The following FAM193B variants were observed in gnomAD, a reference collection of about 807,000 sequenced individuals.
FAM193B encodes family with sequence similarity 193 member B.
In FAM193B, 27 loss-of-function variants were observed where a neutral mutation model predicts 70.7. The observed-to-expected ratio is 0.38, with a 90% CI of 0.28 to 0.53. The LOEUF (loss-of-function observed/expected upper bound fraction) is 0.53, where lower values mean the gene tolerates loss of function less well. FAM193B is among the 20% of genes least tolerant of loss of function. FAM193B has a pLI of 0.81. For missense variants in FAM193B, 1,022 were observed against 1,072.5 expected (o/e 0.95, Z 0.66); for synonymous variants, 448 against 436.0 (o/e 1.03, Z -0.34).
intron 4 of FAM193B, 112 bp downstream of exon 4, chr5:177,536,246 G>T (rs1764145489): frequency 2.5e-6 from 3 of 1,181,620 alleles, no homozygotes; most frequent in East Asian, 2.6e-5. Flanking sequence ...GAAAAATAAT[G>T]AAAGGAAAGA....
At chr5:177,548,829 A>AT (rs1246267069) in intron 1 of FAM193B, among the ~76,000 whole-genome samples, 1 of 152,164 alleles carries the variant, frequency 6.6e-6, no homozygotes, top group Non-Finnish European at 1.5e-5. Flanking sequence ...AAAACCTTTC[A>AT]TTGATTCTTC....
At chr5:177,541,257 G>A (rs1764815071) in intron 1 of FAM193B, among the ~76,000 whole-genome samples, 2 of 152,120 alleles carry the variant, frequency 1.3e-5, no homozygotes, top group South Asian at 4.1e-4. Flanking sequence ...GCTACGAAGT[G>A]CCACAGTAAC....
intron 1 of FAM193B, among the ~76,000 whole-genome samples, chr5:177,548,878 T>C (rs1765807730): frequency 6.6e-6 from 1 of 152,202 alleles, no homozygotes; most frequent in Middle Eastern, 3.2e-3. Flanking sequence ...TTGGTGTGGT[T>C]TTCAAGAACC....
intron 1 of FAM193B, among the ~76,000 whole-genome samples, chr5:177,546,076 T>C (rs1765390558): frequency 1.3e-5 from 2 of 152,208 alleles, no homozygotes; most frequent in South Asian, 4.1e-4. Context: ...CTAGAAAAAC[T>C]CATTGTCATA....
chr5:177,536,369 A>G lies in FAM193B; in HGVS notation c.1065T>C (p.Pro355=), dbSNP rs1229443768. The G allele has an allele frequency of 1.9e-6, 3 of 1,608,700 alleles. No individual in the cohort carries two copies. In the African/African-American group the frequency reaches 4.0e-5, roughly 22 times the overall value. ...TGCAGCACACTTACCTGTGAGTGCTAGGGAGTGGCTGAGAGCTCGGGGGTG... is the reference window on the plus strand; with the variant it reads ...TGCAGCACACTTACCTGTGAGTGCTGGGGAGTGGCTGAGAGCTCGGGGGTG... ...LLPPPSSQPL[P]STHRDPGCKG... is the part of the protein sequence containing the mutation. The change falls in exon 4 of 9, where the codon CCT becomes CCC. Residue 355 remains proline (P), a synonymous_variant. Coordinates refer to ENST00000514747, the MANE Select transcript of FAM193B (RefSeq NM_001190946.3).
intron 1 of FAM193B, among the ~76,000 whole-genome samples, chr5:177,547,811 G>A (rs1765645401): frequency 6.6e-6 from 1 of 152,202 alleles, no homozygotes; most frequent in Non-Finnish European, 1.5e-5. Context: ...CATGGAGGGG[G>A]AAATAATAAA....
rs966743286 is a variant in FAM193B, at chr5:177,538,182, T to C, written c.454-75A>G. 4 of 1,419,912 alleles carry C rather than the reference T, an allele frequency of 2.8e-6. No individual in the cohort carries two copies. Among genetic ancestry groups the C allele is most frequent in the African/African-American group, 1.4e-5 (1 of 69,364 alleles). The allele number at this position is 1,419,912 out of a possible 1,614,324, so 88.0% of individuals were successfully genotyped here. On this transcript the variant is annotated intron_variant, in intron 2 of 8. Transcript: ENST00000514747. The surrounding 1 kb of genome is among the most constrained non-coding windows in gnomAD (Gnocchi z 4.1). ...GCTGACCCTCTGCTGCCTCAGCTTT[T>C]CCTGAGGGAGCTCCTTCTCCTCCAG...
intron 7 of FAM193B, 137 bp downstream of exon 7, chr5:177,523,819 TG>T (rs998201033): frequency 3.1e-5 from 28 of 907,320 alleles, no homozygotes; most frequent in Admixed American, 2.2e-4. Flanking sequence ...GGAGAGGGCC[TG>T]GGGGGGCGGT....
rs777910294 is a variant in FAM193B at position 177,524,714 on chromosome 5, G to A, written c.1767C>T (p.Thr589=). 35 of 1,586,040 alleles carry A rather than the reference G, an allele frequency of 2.2e-5. 1 individual carries two copies. The highest frequency in any genetic ancestry group is 2.8e-5 in the Non-Finnish European group (33 of 1,167,450). ...AGATCACCCGGGATAGGTTGGGCACGGTGTTGAGTCTCCTCACGAGCCCGT... is the reference window on the plus strand; with the variant it reads ...AGATCACCCGGGATAGGTTGGGCACAGTGTTGAGTCTCCTCACGAGCCCGT... The part of the protein sequence containing the change: ...PENGLVRRLN[T]VPNLSRVIWV... The change falls in exon 6 of 9, where the codon ACC becomes ACT. Residue 589 remains threonine, a synonymous_variant. Coordinates refer to ENST00000514747, the MANE Select transcript of FAM193B (RefSeq NM_001190946.3).
intron 1 of FAM193B, among the ~76,000 whole-genome samples, chr5:177,539,781 GA>G (rs1434855713): frequency 6.6e-6 from 1 of 152,236 alleles, no homozygotes; most frequent in Non-Finnish European, 1.5e-5. Flanking sequence ...TCTGGGCTTT[GA>G]AATCAAACAG....
At chr5:177,524,059 A>G (rs763868248) in intron 6 of FAM193B, 27 bp from the exon 7 acceptor site, 7 of 1,613,700 alleles carry the variant, frequency 4.3e-6, no homozygotes, top group Non-Finnish European at 5.9e-6. Flanking sequence ...AGGAGGGCTC[A>G]GTGCCCATGG....
chr5:177,553,951 C>A, intron 1 of FAM193B: 1 of 1,250,828 alleles, frequency 8.0e-7, no homozygotes, highest in South Asian at 1.5e-5. Context: ...GCCTCGGGAT[C>A]ACAGCCCAGT....
At position 177,524,540 on chromosome 5, in the gene FAM193B, G is replaced by A. The variant is rs372986586; in HGVS notation, c.1941C>T (p.Ser647=). ...GGGGCCGGGGGGCTGGGCTTGCCTCGCTCTTCTTGGCCTGACTGCCCTGCC... is the reference window on the plus strand; with the variant it reads ...GGGGCCGGGGGGCTGGGCTTGCCTCACTCTTCTTGGCCTGACTGCCCTGCC... The part of the protein sequence containing the change: ...GKRQGSQAKK[S]EASPAPRPPA... Residue 647 remains serine, a synonymous_variant, in exon 6 of 9, where the codon AGC becomes AGT. Transcript: ENST00000514747. 62 of 1,611,364 alleles carry A rather than the reference G, an allele frequency of 3.8e-5. No individual in the cohort carries two copies. The East Asian group carries it at 5.8e-4, about 15-fold the overall frequency.
intron 5 of FAM193B, among the ~76,000 whole-genome samples, chr5:177,526,977 A>C (rs1762707380): frequency 6.6e-6 from 1 of 152,234 alleles, no homozygotes; most frequent in African/African-American, 2.4e-5. Flanking sequence ...AGTGACAGTG[A>C]CAAGTGCTGC....
chr5:177,536,831 G>A, intron 3 of FAM193B, 86 bp from the exon 4 acceptor site: 7 of 1,490,012 alleles, frequency 4.7e-6, no homozygotes, highest in Non-Finnish European at 6.3e-6. Context: ...ACAGCATCCT[G>A]CTTCTGTGAC....
chr5:177,551,934 AC>A (rs1766304393), intron 1 of FAM193B: 4 of 712,452 alleles, frequency 5.6e-6, no homozygotes, highest in South Asian at 1.3e-4. Context: ...TCCAGACCCC[AC>A]CCCCGGTCAA....
chr5:177,536,234 T>A lies in FAM193B; in HGVS notation c.1076+124A>T, dbSNP rs770270520. On this transcript the variant is annotated intron_variant, in intron 4 of 8. Transcript: ENST00000514747. ...GGCCAAAACACATACTTCTTTACAA[T>A]TGAAAAATAATGAAAGGAAAGACAT... is the stretch of plus-strand genomic sequence containing the variant. 9 of 1,128,110 alleles carry A rather than the reference T, an allele frequency of 8.0e-6. No individual in the cohort carries two copies. The African/African-American group carries it at 1.1e-4, about 14-fold the overall frequency. 69.9% of individuals were successfully genotyped at this position (1,128,110 alleles called of 1,614,324 possible). A position where few individuals can be genotyped will look rare whatever the true frequency, so the allele number is the denominator to read the frequency against.
chr5:177,536,939 A>C (rs1764247055), intron 3 of FAM193B, among the ~76,000 whole-genome samples, 194 bp from the exon 4 acceptor site: 1 of 152,218 alleles, frequency 6.6e-6, no homozygotes, highest in South Asian at 2.1e-4. Flanking sequence ...CCCAGGCCCA[A>C]GCAAGAAGGT....
At chr5:177,546,081 G>C (rs1765391733) in intron 1 of FAM193B, among the ~76,000 whole-genome samples, 1 of 152,208 alleles carries the variant, frequency 6.6e-6, no homozygotes, top group South Asian at 2.1e-4. Flanking sequence ...AAAACTCATT[G>C]TCATAGTTAT....
Sources: gnomAD v4.1 joint callset for allele counts (sites outside exome capture counted in the v4.1 genomes callset) on GRCh38, gnomAD v4.1.1 for gene constraint, Gnocchi (gnomAD v3.1) non-coding constraint, MANE v1.5 for transcripts, NCBI Gene and HGNC (gene_info 2026-07-23, HGNC 2026-07-21) for gene names.